Variants in ATP2B2 observed in about 807,000 individuals in gnomAD.
ATP2B2 encodes the protein plasma membrane calcium-transporting ATPase 2.
Under a neutral mutation model 120.0 loss-of-function variants are expected in ATP2B2, and 15 were observed. The ratio of observed to expected loss-of-function variants is 0.12; its 90% CI spans 0.08 to 0.19. The LOEUF (loss-of-function observed/expected upper bound fraction) is 0.19. ATP2B2 is among the 10% of genes least tolerant of loss of function. ATP2B2 has a pLI of 1.00. For synonymous variants in ATP2B2, 694 were observed against 700.3 expected (o/e 0.99, Z 0.14); for missense variants, 1,045 against 1,719.8 (o/e 0.61, Z 6.94).
intron 1 of ATP2B2, among the ~76,000 whole-genome samples, chr3:10,637,846 TC>T (rs946850460): frequency 5.9e-5 from 9 of 151,284 alleles, no homozygotes; most frequent in African/African-American, 2.2e-4. Context: ...CCAAGGCACA[TC>T]AAAATCAAAT....
Position 10,402,100 on chromosome 3 carries a change from C to T in ATP2B2, c.646G>A (p.Val216Ile). Residue 216 changes from valine to isoleucine, a missense_variant, in exon 4 of 23, where the codon GTC (valine) becomes ATC (isoleucine). Transcript: ENST00000360273. This position sits in a 1 kb window ranked among gnomAD's most constrained non-coding sequence, Gnocchi z 4.9. The stretch of plus-strand genomic sequence containing the variant: ...TGGCTGGGACACTTACCATATTTGA[C>T]CTGGGCTATGTCCCCAACCACGATC... ...AEIVVGDIAQ[V>I]KYGDLLPADG... is the part of the protein sequence containing the mutation. 5.0e-6 allele frequency: 8 copies of T among 1,613,894 alleles called. No individual in the cohort carries two copies. Among genetic ancestry groups the T allele is most frequent in the Admixed American group, 1.7e-5 (1 of 60,024 alleles).
intron 2 of ATP2B2, among the ~76,000 whole-genome samples, chr3:10,427,916 T>C (rs2063193300): frequency 6.6e-6 from 1 of 152,250 alleles, no homozygotes; most frequent in Non-Finnish European, 1.5e-5. Context: ...TTCTGCCAGC[T>C]TGAGCGTTCT....
At position 10,347,748 on chromosome 3, in the gene ATP2B2, C is replaced by T. The variant is rs146413080; in HGVS notation, c.2405-1611G>A. ...CCTGTGGCTCCCAGGTGGTGCGGAC[C>T]GTTGCGTAGCTCAAGCTGTGCGGAA... On this transcript the variant is annotated intron_variant, in intron 16 of 22. Coordinates refer to ENST00000360273, the MANE Select transcript of ATP2B2 (RefSeq NM_001001331.4). The surrounding 1 kb of genome is among the most constrained non-coding windows in gnomAD (Gnocchi z 5.2). Among the ~76,000 whole-genome samples the T allele has an allele frequency of 3.9e-5, 6 of 152,306 alleles. No individual in the cohort carries two copies. The East Asian group carries it at 1.2e-3, about 29-fold the overall frequency.
In ATP2B2 at chr3:10,385,320, G is replaced by T. The variant is rs748937189; in HGVS notation, c.948C>A (p.Asp316Glu). Residue 316 changes from aspartate (D) to glutamate (E), a missense_variant, in exon 8 of 23, where the codon GAC (aspartate) becomes GAA (glutamate). By Grantham distance (45) the Asp-to-Glu change is conservative. Around this residue, in one of 11 missense-constraint regions of ATP2B2, gnomAD observed 145 missense variants for 202.0 expected, o/e 0.72. Transcript: ENST00000360273. ...KGDGLQLPAA[D>E]GAAASNAADS... ...CTGCAGCATTTGAAGCTGCCGCACC[G>T]TCTGCTGCTGCAGGGGGGTGGGAGG... 1.9e-6 allele frequency: 3 copies of T among 1,613,748 alleles called. No individual in the cohort carries two copies. Among genetic ancestry groups the T allele is most frequent in the East Asian group, 4.5e-5 (2 of 44,876 alleles).
chr3:10,520,315 G>C (rs868132834), intron 3 of ATP2B2, among the ~76,000 whole-genome samples: 17 of 152,294 alleles, frequency 1.1e-4, no homozygotes, highest in East Asian at 7.7e-4. Flanking sequence ...GCAGGGGAGG[G>C]GGGTGCCGGT....
intron 3 of ATP2B2, among the ~76,000 whole-genome samples, chr3:10,528,175 G>A (rs1476311851): frequency 3.9e-5 from 6 of 152,194 alleles, no homozygotes; most frequent in Admixed American, 6.5e-5. Context: ...CTACCTGGAA[G>A]TTCTTTTGTT....
At chr3:10,501,082 G>A (rs1054608624) in intron 1 of ATP2B2, among the ~76,000 whole-genome samples, 18 of 152,150 alleles carry the variant, frequency 1.2e-4, no homozygotes, top group Non-Finnish European at 8.8e-5. Context: ...CCATACCCAG[G>A]GACCTCTGTT....
At chr3:10,540,737 G>A (rs1438446087) in intron 2 of ATP2B2, among the ~76,000 whole-genome samples, 1 of 101,316 alleles carries the variant, frequency 9.9e-6, no homozygotes, top group Non-Finnish European at 1.9e-5. Flanking sequence ...GGGGAGGGGG[G>A]AGGGATAGCA....
intron 1 of ATP2B2, among the ~76,000 whole-genome samples, chr3:10,655,209 A>G (rs1464955266): frequency 1.3e-5 from 2 of 151,990 alleles, no homozygotes; most frequent in Non-Finnish European, 2.9e-5. Flanking sequence ...AACTACACCA[A>G]TCCCTCTGTC....
At chr3:10,663,790 A>C (rs920088311) in intron 1 of ATP2B2, among the ~76,000 whole-genome samples, 1 of 152,110 alleles carries the variant, frequency 6.6e-6, no homozygotes, top group Non-Finnish European at 1.5e-5. Flanking sequence ...CCTCCCAGAC[A>C]CCTTCCTGGC....
At position 10,429,589 on chromosome 3, in the gene ATP2B2, C is replaced by G. The variant is rs181079539; in HGVS notation, c.200-18774G>C. ...CTGACTGCTCCACTAACCGGCTGTT[C>G]CCTGTCTCTCCATCTCCTTGGGCCT... is the stretch of plus-strand genomic sequence containing the variant. On this transcript the variant is annotated intron_variant, in intron 2 of 22. Transcript: ENST00000360273. Among the ~76,000 whole-genome samples, 104 of 152,258 alleles carry G rather than the reference C, an allele frequency of 6.8e-4. 1 individual carries two copies. The highest frequency in any genetic ancestry group is 1.2e-3 in the Non-Finnish European group (83 of 68,016).
At chr3:10,668,768 T>C (rs534653197) in intron 1 of ATP2B2, among the ~76,000 whole-genome samples, 6 of 152,220 alleles carry the variant, frequency 3.9e-5, no homozygotes, top group African/African-American at 1.2e-4. Context: ...TCTGTCACTA[T>C]GAGAATTTAC....
At chr3:10,663,713 G>A (rs907264502) in intron 1 of ATP2B2, among the ~76,000 whole-genome samples, 40 of 152,134 alleles carry the variant, frequency 2.6e-4, no homozygotes, top group Non-Finnish European at 1.9e-4. Flanking sequence ...GCAGACAGCG[G>A]CATAGAGGGG....
intron 3 of ATP2B2, among the ~76,000 whole-genome samples, chr3:10,529,595 T>C (rs1301501157): frequency 6.6e-6 from 1 of 152,150 alleles, no homozygotes. Flanking sequence ...TTTGGGAACT[T>C]AAATATCATG....
Position 10,538,341 on chromosome 3 carries a change from A to G in ATP2B2, c.-414-4208T>C, listed in dbSNP as rs577562875. Among the ~76,000 whole-genome samples the G allele has an allele frequency of 2.6e-5, 4 of 152,344 alleles. No individual in the cohort carries two copies. The South Asian group carries it at 6.2e-4, about 24-fold the overall frequency. On this transcript the variant is annotated intron_variant, in intron 2 of 21. Coordinates refer to the ATP2B2 transcript ENST00000646379. ...ATTCCTTCTGAAAATATTCCCATCA[A>G]TAGAAAAAGAGGGAATCCTCCCTAA...
At chr3:10,485,312 A>G (rs2065599354) in intron 1 of ATP2B2, among the ~76,000 whole-genome samples, 1 of 152,182 alleles carries the variant, frequency 6.6e-6, no homozygotes. Flanking sequence ...TGAGGCTCAG[A>G]GAGGTGAGGT....
At chr3:10,611,424 G>A (rs769059678) in intron 2 of ATP2B2, among the ~76,000 whole-genome samples, 272 of 152,196 alleles carry the variant, frequency 1.8e-3, no homozygotes, top group Non-Finnish European at 8.5e-4. Flanking sequence ...CATCGGTGTC[G>A]TCCAGCCTCC....
rs146453879 is a variant in ATP2B2, at chr3:10,559,476, T to C, written c.-414-25343A>G. ...TCTGCTCACTACACACGTATGGAAA[T>C]ACCACTCTGTACTCCATAAATATGT... On this transcript the variant is annotated intron_variant, in intron 2 of 21. Transcript: ENST00000646379. 2.7e-3 allele frequency among the ~76,000 whole-genome samples: 408 copies of C among 152,106 alleles called. 4 individuals are homozygous for C. Among genetic ancestry groups the C allele is most frequent in the Non-Finnish European group, 4.3e-3 (294 of 68,006 alleles).
intron 2 of ATP2B2, among the ~76,000 whole-genome samples, chr3:10,442,704 G>A (rs1037910219): frequency 1.3e-5 from 2 of 152,122 alleles, no homozygotes; most frequent in African/African-American, 4.8e-5. Flanking sequence ...CATTGCTCAA[G>A]CCCATTGATC....
Sources: gnomAD v4.1 joint callset for allele counts (sites outside exome capture counted in the v4.1 genomes callset) on GRCh38, gnomAD v4.1.1 for gene constraint, gnomAD v4.1.1 regional missense constraint, Gnocchi (gnomAD v3.1) non-coding constraint, MANE v1.5 for transcripts, NCBI Gene and HGNC (gene_info 2026-07-23, HGNC 2026-07-21) for gene names.